TSPEAR: variants seen among roughly 807,000 people sequenced by gnomAD.
TSPEAR encodes thrombospondin-type laminin G domain and EAR repeat-containing protein.
Under a neutral mutation model 71.6 loss-of-function variants are expected in TSPEAR, and 69 were observed. The observed-to-expected ratio is 0.96, with a 90% CI of 0.79 to 1.18. The LOEUF is 1.18. TSPEAR is among the 50% of genes most tolerant of loss of function. The probability of loss-of-function intolerance (pLI) is 0.00; values close to 1 mark genes in which losing one functional copy is unlikely to be tolerated. For missense variants in TSPEAR, 971 were observed against 894.9 expected, an observed-to-expected ratio of 1.09 and a Z score of -1.09; for synonymous variants, 402 against 387.2, an observed-to-expected ratio of 1.04 and a Z score of -0.45.
intron 1 of TSPEAR, among the ~76,000 whole-genome samples, chr21:44,631,842 G>A (rs781982885): frequency 1.3e-5 from 2 of 152,206 alleles, no homozygotes; most frequent in Non-Finnish European, 2.9e-5. Context: ...AGCAGAGAGA[G>A]AATGGAGCAC....
intron 1 of TSPEAR, among the ~76,000 whole-genome samples, chr21:44,674,731 AGTGTGTGTGTGT>A (rs59452363): frequency 0.067 from 8,499 of 127,102 alleles, 291 homozygotes; most frequent in African/African-American, 0.097. Flanking sequence ...CTGTCTTTAA[AGTGTGTGTGTGT>A]GTGTGTGTGT....
chr21:44,708,566 A>G (rs1428898606), intron 1 of TSPEAR, among the ~76,000 whole-genome samples: 57 of 152,324 alleles, frequency 3.7e-4, no homozygotes, highest in African/African-American at 1.3e-3. Flanking sequence ...ATCTTTTAAG[A>G]TGCAAATCTG....
At chr21:44,588,531 T>TA (rs1368696314) in intron 1 of TSPEAR, among the ~76,000 whole-genome samples, 2 of 152,008 alleles carry the variant, frequency 1.3e-5, no homozygotes, top group Non-Finnish European at 2.9e-5. Flanking sequence ...ACTGGGTATC[T>TA]ACCCGGAGGA....
intron 1 of TSPEAR, among the ~76,000 whole-genome samples, chr21:44,685,534 G>A (rs1421762336): frequency 5.9e-5 from 9 of 152,084 alleles, no homozygotes; most frequent in African/African-American, 1.2e-4. Flanking sequence ...CCTGGGCTCC[G>A]TCTGCAGAGG....
intron 2 of TSPEAR, among the ~76,000 whole-genome samples, chr21:44,556,282 A>G (rs907485939): frequency 1.3e-5 from 2 of 151,930 alleles, no homozygotes; most frequent in Non-Finnish European, 2.9e-5. Context: ...AGGCTGAGGG[A>G]GAAGAATAGC....
At chr21:44,514,942 C>T (rs1028290105) in intron 9 of TSPEAR, among the ~76,000 whole-genome samples, 3 of 152,150 alleles carry the variant, frequency 2.0e-5, no homozygotes, top group African/African-American at 7.2e-5. Flanking sequence ...CTGTACTTAA[C>T]CTGCAGTGCC....
At chr21:44,536,927 A>T (rs1158036429) in intron 2 of TSPEAR, among the ~76,000 whole-genome samples, 4 of 152,248 alleles carry the variant, frequency 2.6e-5, no homozygotes, top group African/African-American at 9.6e-5. Flanking sequence ...TACTAAGACA[A>T]CATAATAGAA....
At chr21:44,649,123 C>T (rs900855262) in intron 1 of TSPEAR, among the ~76,000 whole-genome samples, 1 of 152,248 alleles carries the variant, frequency 6.6e-6, no homozygotes, top group Non-Finnish European at 1.5e-5. Flanking sequence ...GCCTGCTGGA[C>T]AGAGCCGGAC....
intron 7 of TSPEAR, 111 bp from the exon 8 acceptor site, chr21:44,525,950 G>A (rs1300961015): frequency 8.9e-6 from 10 of 1,119,722 alleles, no homozygotes; most frequent in East Asian, 4.7e-5. Context: ...CGGCTGCTAC[G>A]TGGTGCAGGG....
Position 44,539,513 on chromosome 21 carries a change from T to C in TSPEAR, c.304-5590A>G. The C allele has an allele frequency of 6.2e-7, 1 of 1,613,504 alleles. No homozygotes were observed. Among genetic ancestry groups the C allele is most frequent in the Non-Finnish European group, 8.5e-7 (1 of 1,179,700 alleles). Reference sequence around the variant, plus strand: ...GCAGCAAGCCGGCTGGCAGCTAGACTGCTGGCAGCATGAAGTGGAAGCCCC... The same window carrying C: ...GCAGCAAGCCGGCTGGCAGCTAGACCGCTGGCAGCATGAAGTGGAAGCCCC... On this transcript the variant is annotated intron_variant, in intron 2 of 11. Coordinates refer to ENST00000323084, the MANE Select transcript of TSPEAR (RefSeq NM_144991.3).
chr21:44,589,176 A>G (rs1182270504), intron 1 of TSPEAR, among the ~76,000 whole-genome samples: 1 of 152,230 alleles, frequency 6.6e-6, no homozygotes, highest in Non-Finnish European at 1.5e-5. Flanking sequence ...ATAAAAAATA[A>G]AAAACCAAAA....
chr21:44,550,698 C>G (rs782733313), intron 2 of TSPEAR: 3 of 1,613,756 alleles, frequency 1.9e-6, no homozygotes, highest in Non-Finnish European at 2.5e-6. Context: ...CCATCAGCAG[C>G]TAGACTTTTG....
At chr21:44,521,055 G>A (rs922031504) in intron 9 of TSPEAR, among the ~76,000 whole-genome samples, 2 of 152,352 alleles carry the variant, frequency 1.3e-5, no homozygotes, top group African/African-American at 4.8e-5. Context: ...GAACATTTCT[G>A]CAGGGGAATG....
At chr21:44,602,912 G>A (rs587712128) in intron 1 of TSPEAR, among the ~76,000 whole-genome samples, 9 of 152,240 alleles carry the variant, frequency 5.9e-5, no homozygotes, top group East Asian at 1.9e-4. Context: ...CACAACCTGT[G>A]TGGCCTGTGT....
chr21:44,618,081 G>A (rs1163204122), intron 1 of TSPEAR, among the ~76,000 whole-genome samples: 1 of 152,224 alleles, frequency 6.6e-6, no homozygotes, highest in Non-Finnish European at 1.5e-5. Flanking sequence ...AACAGATATG[G>A]TTGGACTTTT....
intron 1 of TSPEAR, among the ~76,000 whole-genome samples, chr21:44,644,119 C>G (rs1351794845): frequency 6.6e-6 from 1 of 152,190 alleles, no homozygotes; most frequent in Non-Finnish European, 1.5e-5. Flanking sequence ...TCACTCAGAT[C>G]CCCAGAGTGT....
chr21:44,585,434 G>C (rs951718340), intron 1 of TSPEAR, among the ~76,000 whole-genome samples: 5 of 152,084 alleles, frequency 3.3e-5, no homozygotes, highest in African/African-American at 1.2e-4. Flanking sequence ...TTAGTTCAAG[G>C]AACTTTTATT....
At chr21:44,621,953 T>C (rs1425820616) in intron 1 of TSPEAR, among the ~76,000 whole-genome samples, 1 of 152,200 alleles carries the variant, frequency 6.6e-6, no homozygotes, top group Non-Finnish European at 1.5e-5. Context: ...ATCCCCATCC[T>C]AGTCCCTGGC....
chr21:44,704,878 G>A (rs2838654), intron 1 of TSPEAR, among the ~76,000 whole-genome samples: 56,305 of 151,948 alleles, frequency 0.37, 10,867 homozygotes, highest in African/African-American at 0.41. Flanking sequence ...AGCTGCCTCC[G>A]GGAGCGCAGT....
Sources: allele counts gnomAD v4.1 joint callset (sites outside exome capture counted in the v4.1 genomes callset), GRCh38; gene constraint gnomAD v4.1.1; transcripts MANE v1.5; gene names NCBI Gene and HGNC (gene_info 2026-07-23, HGNC 2026-07-21).